Variants in CSMD1 observed in about 807,000 individuals in gnomAD.
CSMD1 encodes CUB and sushi domain-containing protein 1.
A neutral mutation model predicts 417.5 loss-of-function variants in CSMD1; 213 were observed. The observed-to-expected ratio is 0.51, with a 90% CI of 0.46 to 0.57. The LOEUF is 0.57. Among genes scored for constraint, CSMD1 ranks in the 20% least tolerant of loss-of-function variants. CSMD1 has a pLI of 0.00. For missense variants in CSMD1, 6,923 were observed against 4,529.7 expected, an observed-to-expected ratio of 1.53 and a Z score of -15.17; for synonymous variants, 2,862 against 1,736.8, an observed-to-expected ratio of 1.65 and a Z score of -16.11.
At chr8:4,073,622 T>C (rs1003551168) in intron 3 of CSMD1, among the ~76,000 whole-genome samples, 1 of 152,144 alleles carries the variant, frequency 6.6e-6, no homozygotes, top group Non-Finnish European at 1.5e-5. Flanking sequence ...GCAAAATGAA[T>C]TGAATTTTAA....
intron 5 of CSMD1, among the ~76,000 whole-genome samples, chr8:3,882,123 G>GA (rs1159042697): frequency 2.6e-5 from 4 of 151,816 alleles, no homozygotes; most frequent in South Asian, 2.1e-4. Flanking sequence ...CAGAAAGTGA[G>GA]AAAAAATCAT....
chr8:3,473,527 G>T (rs1220345678), intron 11 of CSMD1, among the ~76,000 whole-genome samples: 1 of 152,110 alleles, frequency 6.6e-6, no homozygotes, highest in East Asian at 1.9e-4. Flanking sequence ...TGCTAACACT[G>T]AGATATTATT....
chr8:4,166,857 T>C (rs1285769616), intron 3 of CSMD1, among the ~76,000 whole-genome samples: 2 of 152,236 alleles, frequency 1.3e-5, no homozygotes, highest in East Asian at 1.9e-4. Context: ...TTTGTTTCAA[T>C]GAACAACAAA....
intron 5 of CSMD1, among the ~76,000 whole-genome samples, chr8:3,939,114 G>A (rs898244235): frequency 6.6e-6 from 1 of 152,030 alleles, no homozygotes; most frequent in Non-Finnish European, 1.5e-5. Context: ...AGAGTTTATT[G>A]AATTACAGAA....
At chr8:3,328,273 A>C (rs1184661992) in intron 23 of CSMD1, among the ~76,000 whole-genome samples, 1 of 152,128 alleles carries the variant, frequency 6.6e-6, no homozygotes, top group Non-Finnish European at 1.5e-5. Flanking sequence ...TCTGCTTCAT[A>C]AATGCTTTTT....
At chr8:4,750,130 C>T (rs969374514) in intron 1 of CSMD1, among the ~76,000 whole-genome samples, 2 of 152,142 alleles carry the variant, frequency 1.3e-5, no homozygotes, top group Non-Finnish European at 2.9e-5. Flanking sequence ...CTCAGCCTCC[C>T]GAGTAGCTGG....
At chr8:3,647,242 A>C (rs189620995) in intron 7 of CSMD1, among the ~76,000 whole-genome samples, 1 of 152,330 alleles carries the variant, frequency 6.6e-6, no homozygotes, top group East Asian at 1.9e-4. Flanking sequence ...TCAGCAAGGG[A>C]TGAGTAACAA....
At chr8:3,496,099 C>G (rs1796352893) in intron 10 of CSMD1, among the ~76,000 whole-genome samples, 1 of 152,172 alleles carries the variant, frequency 6.6e-6, no homozygotes, top group African/African-American at 2.4e-5. Flanking sequence ...TGTTGTTCCT[C>G]TCCCTGTGTT....
At chr8:3,861,097 G>A (rs1178872215) in intron 5 of CSMD1, among the ~76,000 whole-genome samples, 3 of 152,082 alleles carry the variant, frequency 2.0e-5, no homozygotes, top group Non-Finnish European at 4.4e-5. Flanking sequence ...CTTCTAGTGA[G>A]CTCGAAAACA....
intron 25 of CSMD1, among the ~76,000 whole-genome samples, chr8:3,302,092 A>G (rs1035091693): frequency 5.3e-5 from 8 of 152,190 alleles, no homozygotes; most frequent in African/African-American, 1.7e-4. Flanking sequence ...ACTGAAGACT[A>G]AAGTCTCCCG....
chr8:4,937,488 G>T (rs1289592385), intron 1 of CSMD1, among the ~76,000 whole-genome samples: 1 of 152,116 alleles, frequency 6.6e-6, no homozygotes, highest in Non-Finnish European at 1.5e-5. Flanking sequence ...TGGATGAAAA[G>T]AGATTTACAA....
intron 3 of CSMD1, among the ~76,000 whole-genome samples, chr8:4,300,918 T>C (rs537343169): frequency 1.5e-4 from 23 of 152,356 alleles, no homozygotes; most frequent in Non-Finnish European, 2.9e-4. Flanking sequence ...CCACATTTTC[T>C]TAATCCAGAC....
chr8:3,703,399 G>C (rs1313508379), intron 7 of CSMD1, among the ~76,000 whole-genome samples: 1 of 99,140 alleles, frequency 1.0e-5, no homozygotes, highest in Non-Finnish European at 2.0e-5. Context: ...GAATCTATAG[G>C]GCTTTTGTTC....
At chr8:4,285,260 C>T (rs553802468) in intron 3 of CSMD1, among the ~76,000 whole-genome samples, 27 of 152,268 alleles carry the variant, frequency 1.8e-4, no homozygotes, top group African/African-American at 6.3e-4. Context: ...CGACTGTAGC[C>T]TTAAATGCCA....
intron 25 of CSMD1, among the ~76,000 whole-genome samples, chr8:3,290,534 C>G (rs1217415863): frequency 6.9e-6 from 1 of 145,412 alleles, no homozygotes; most frequent in Non-Finnish European, 1.5e-5. Context: ...TTGAAGAGGT[C>G]CTTCACATCC....
chr8:4,042,815 TAAAAAAA>T (rs60411612), intron 3 of CSMD1, among the ~76,000 whole-genome samples: 631 of 41,304 alleles, frequency 0.015, 23 homozygotes, highest in African/African-American at 0.058. Flanking sequence ...TACAACATAT[TAAAAAAA>T]AAAAAAAAAA....
At chr8:4,462,941 A>G (rs1193781929) in intron 2 of CSMD1, among the ~76,000 whole-genome samples, 1 of 152,210 alleles carries the variant, frequency 6.6e-6, no homozygotes, top group Non-Finnish European at 1.5e-5. Context: ...AAAGCACAAG[A>G]AAAGAATTAA....
intron 3 of CSMD1, among the ~76,000 whole-genome samples, chr8:4,086,551 G>C (rs1800431131): frequency 6.6e-6 from 1 of 152,084 alleles, no homozygotes; most frequent in African/African-American, 2.4e-5. Context: ...TCTTAAAATA[G>C]GGCCCACAGA....
At chr8:4,599,858 G>A (rs549469837) in intron 2 of CSMD1, among the ~76,000 whole-genome samples, 2 of 152,274 alleles carry the variant, frequency 1.3e-5, no homozygotes, top group South Asian at 4.1e-4. Flanking sequence ...CCAACTTAGA[G>A]ACAATTAAAG....
Sources: gnomAD v4.1 joint callset for allele counts (sites outside exome capture counted in the v4.1 genomes callset) on GRCh38, gnomAD v4.1.1 for gene constraint, MANE v1.5 for transcripts, NCBI Gene and HGNC (gene_info 2026-07-23, HGNC 2026-07-21) for gene names.